The following PLXDC2 variants were observed in gnomAD, a reference collection of about 807,000 sequenced individuals.
PLXDC2 encodes the protein plexin domain-containing protein 2.
A neutral mutation model predicts 68.9 loss-of-function variants in PLXDC2; 40 were observed. That is an observed-to-expected ratio of 0.58 (90% CI 0.45 to 0.76). PLXDC2 has a LOEUF of 0.76. Among genes scored for constraint, PLXDC2 ranks in the 30% least tolerant of loss-of-function variants. PLXDC2 has a pLI of 0.00. For synonymous variants in PLXDC2, 243 were observed against 234.2 expected (o/e 1.04, Z -0.34); for missense variants, 644 against 661.9 (o/e 0.97, Z 0.30).
At chr10:20,026,520 T>G (rs1329958859) in intron 2 of PLXDC2, among the ~76,000 whole-genome samples, 1 of 152,116 alleles carries the variant, frequency 6.6e-6, no homozygotes, top group Non-Finnish European at 1.5e-5. Context: ...TTTTAGCTTT[T>G]TAAGGATAAA....
intron 4 of PLXDC2, among the ~76,000 whole-genome samples, chr10:20,084,405 G>A (rs1402317000): frequency 6.6e-6 from 1 of 152,150 alleles, no homozygotes; most frequent in Non-Finnish European, 1.5e-5. Flanking sequence ...CCTTATAGCA[G>A]GAAGGTGGTG....
chr10:20,101,552 T>G (rs1451944067), intron 4 of PLXDC2, among the ~76,000 whole-genome samples: 1 of 152,206 alleles, frequency 6.6e-6, no homozygotes, highest in Non-Finnish European at 1.5e-5. Flanking sequence ...AAAAAATGTC[T>G]TTGATTAATA....
At chr10:20,084,313 C>A (rs545626189) in intron 4 of PLXDC2, among the ~76,000 whole-genome samples, 2 of 152,072 alleles carry the variant, frequency 1.3e-5, no homozygotes, top group African/African-American at 2.4e-5. Context: ...TGGACCAAAG[C>A]GATACTTAAA....
intron 4 of PLXDC2, among the ~76,000 whole-genome samples, chr10:20,068,926 T>C (rs1039738548): frequency 6.6e-6 from 1 of 152,102 alleles, no homozygotes; most frequent in Non-Finnish European, 1.5e-5. Flanking sequence ...CTAGAAGCGA[T>C]AAGGAAAATG....
At chr10:19,853,120 G>C (rs1161745480) in intron 1 of PLXDC2, among the ~76,000 whole-genome samples, 2 of 152,172 alleles carry the variant, frequency 1.3e-5, no homozygotes, top group African/African-American at 2.4e-5. Context: ...ATAGAGTACA[G>C]TTTTAAAAGG....
At chr10:20,138,959 A>G (rs1833967351) in intron 4 of PLXDC2, among the ~76,000 whole-genome samples, 1 of 152,176 alleles carries the variant, frequency 6.6e-6, no homozygotes, top group African/African-American at 2.4e-5. Context: ...GTGAAGGCCT[A>G]TATAGATACT....
intron 1 of PLXDC2, among the ~76,000 whole-genome samples, chr10:19,993,404 G>A (rs1024978352): frequency 6.6e-6 from 1 of 152,002 alleles, no homozygotes; most frequent in African/African-American, 2.4e-5. Context: ...AATTAGTTAA[G>A]TGTGTATTTT....
intron 6 of PLXDC2, among the ~76,000 whole-genome samples, chr10:20,149,450 G>C (rs989834829): frequency 6.6e-6 from 1 of 151,674 alleles, no homozygotes; most frequent in Non-Finnish European, 1.5e-5. Flanking sequence ...TGTTGATCAG[G>C]CTGGTCTTGA....
intron 1 of PLXDC2, among the ~76,000 whole-genome samples, chr10:19,962,372 C>T (rs868711791): frequency 1.0e-3 from 107 of 104,434 alleles, no homozygotes; most frequent in Non-Finnish European, 1.9e-3. Flanking sequence ...GAGTCTCATG[C>T]ACCCATCTTT....
chr10:20,252,466 G>A (rs533041673), intron 13 of PLXDC2, among the ~76,000 whole-genome samples: 1 of 152,162 alleles, frequency 6.6e-6, no homozygotes, highest in Admixed American at 6.5e-5. Context: ...TTATGTATTT[G>A]GTTCACATTA....
chr10:20,025,440 T>A (rs955101894), intron 2 of PLXDC2, among the ~76,000 whole-genome samples: 3 of 152,024 alleles, frequency 2.0e-5, no homozygotes, highest in Non-Finnish European at 4.4e-5. Flanking sequence ...TTTTTTATCT[T>A]TAGTAAAGAC....
chr10:20,141,873 C>T (rs1373396098), intron 4 of PLXDC2, among the ~76,000 whole-genome samples: 1 of 151,912 alleles, frequency 6.6e-6, no homozygotes, highest in African/African-American at 2.4e-5. Flanking sequence ...AAAGATAGTG[C>T]TTGGCAAATA....
At chr10:20,209,144 C>T (rs973328830) in intron 9 of PLXDC2, among the ~76,000 whole-genome samples, 1 of 152,110 alleles carries the variant, frequency 6.6e-6, no homozygotes, top group Non-Finnish European at 1.5e-5. Context: ...GAGCAGACAA[C>T]TAGTCTAATC....
intron 6 of PLXDC2, among the ~76,000 whole-genome samples, chr10:20,155,328 A>AAGAAC (rs1293764473): frequency 6.6e-6 from 1 of 152,250 alleles, no homozygotes; most frequent in African/African-American, 2.4e-5. Flanking sequence ...GAAGGCCAAA[A>AAGAAC]AGAACAGAAC....
At chr10:19,925,248 G>A (rs1833521523) in intron 1 of PLXDC2, among the ~76,000 whole-genome samples, 1 of 152,154 alleles carries the variant, frequency 6.6e-6, no homozygotes. Context: ...AGCCTGCATG[G>A]CCTCTGCACA....
intron 2 of PLXDC2, among the ~76,000 whole-genome samples, chr10:20,011,402 G>A (rs1310588600): frequency 6.6e-6 from 1 of 152,148 alleles, no homozygotes; most frequent in Non-Finnish European, 1.5e-5. Context: ...ATTCACATTT[G>A]AGGATCCCAC....
Position 20,223,588 on chromosome 10 carries a change from C to T in PLXDC2, c.1312+4486C>T, listed in dbSNP as rs149511574. ...TTGGCCTCCCAAAGTGCTGGGATTA[C>T]GGGTGTAAGCCATCCTGCCCAGCCT... is the stretch of plus-strand genomic sequence containing the variant. On this transcript the variant is annotated intron_variant, in intron 12 of 13. Transcript: ENST00000377252. 2.0e-4 allele frequency among the ~76,000 whole-genome samples: 30 copies of T among 152,234 alleles called. No homozygotes were observed. The East Asian group carries it at 4.8e-3, about 25-fold the overall frequency.
At chr10:20,035,198 A>T (rs969791624) in intron 2 of PLXDC2, among the ~76,000 whole-genome samples, 6 of 152,172 alleles carry the variant, frequency 3.9e-5, no homozygotes, top group African/African-American at 1.4e-4. Context: ...ATGTAGTATT[A>T]GATTCTAACT....
At chr10:20,270,137 G>A (rs1835919453) in intron 13 of PLXDC2, among the ~76,000 whole-genome samples, 1 of 152,146 alleles carries the variant, frequency 6.6e-6, no homozygotes, top group Admixed American at 6.6e-5. Flanking sequence ...TCCCAAGGGA[G>A]TTAGAAGACT....
Sources: allele counts gnomAD v4.1 joint callset (sites outside exome capture counted in the v4.1 genomes callset), GRCh38; gene constraint gnomAD v4.1.1; transcripts MANE v1.5; gene names NCBI Gene and HGNC (gene_info 2026-07-23, HGNC 2026-07-21).